Variants in ZNF195 observed in about 807,000 individuals in gnomAD.
ZNF195 encodes zinc finger protein 195.
ZNF195 carries 11 observed loss-of-function variants against 19.5 expected under a neutral mutation model. The ratio of observed to expected loss-of-function variants is 0.57; its 90% CI spans 0.36 to 0.94. The LOEUF (loss-of-function observed/expected upper bound fraction) is 0.94. Among genes scored for constraint, ZNF195 ranks in the 40% least tolerant of loss-of-function variants. ZNF195 has a pLI of 0.01. For missense variants in ZNF195, 582 were observed against 709.0 expected (o/e 0.82, Z 2.03); for synonymous variants, 214 against 248.1 (o/e 0.86, Z 1.29).
Position 3,359,590 on chromosome 11 carries a change from T to C in ZNF195, c.1418A>G (p.Lys473Arg). The C allele has an allele frequency of 6.2e-7, 1 of 1,613,846 alleles. No individual in the cohort carries two copies. Among genetic ancestry groups the C allele is most frequent in the African/African-American group, 1.3e-5 (1 of 74,928 alleles). Residue 473 changes from lysine to arginine, a missense_variant, in exon 6 of 6, where the codon AAG becomes AGG. Coordinates refer to ENST00000399602, the MANE Select transcript of ZNF195 (RefSeq NM_001130520.3). This position sits in a 1 kb window ranked among gnomAD's most constrained non-coding sequence, Gnocchi z 5.5. Reference protein sequence around the residue: ...EKPYQCEECGKVFRTCSSLSN... With the variant: ...EKPYQCEECGRVFRTCSSLSN... ...AAGGCTTGAGCAAGTTCTGAAGACC[T>C]TCCCACATTCTTCACATTGGTAGGG...
Position 3,359,093 on chromosome 11 carries a change from A to G in ZNF195, c.*25T>C. The G allele has an allele frequency of 1.3e-6, 2 of 1,520,580 alleles. No individual in the cohort carries two copies. The highest frequency in any genetic ancestry group is 1.4e-5 in the South Asian group (1 of 73,074). 94.2% of individuals were successfully genotyped at this position (1,520,580 alleles called of 1,614,324 possible). On this transcript the variant is annotated 3_prime_UTR_variant, in exon 6 of 6. Coordinates refer to ENST00000399602, the MANE Select transcript of ZNF195 (RefSeq NM_001130520.3). This position sits in a 1 kb window ranked among gnomAD's most constrained non-coding sequence, Gnocchi z 5.5. ...CGAGCAGATACTAACGGCTTTGCCT[A>G]TTTTTATATTTGTTTATTTTTTTCT... is the stretch of plus-strand genomic sequence containing the variant.
At chr11:3,366,871 C>T (rs1306092652) in intron 3 of ZNF195, 2 of 447,280 alleles carry the variant, frequency 4.5e-6, no homozygotes, top group African/African-American at 2.0e-5. Flanking sequence ...CCGAGACCAG[C>T]CTGGGCAACA....
rs1286054978 is a variant in ZNF195, at chr11:3,360,702, A to G, written c.442+18T>C. 1.3e-6 allele frequency: 2 copies of G among 1,551,064 alleles called. No individual in the cohort carries two copies. The highest frequency in any genetic ancestry group is 1.4e-5 in the African/African-American group (1 of 73,042). On this transcript the variant is annotated intron_variant, in intron 5 of 5. Transcript: ENST00000399602. ...CACAGGCCCTAATTTCTGTATAAACATATAAATGTAACAATACCTAGTGAG... is the reference window on the plus strand; with the variant it reads ...CACAGGCCCTAATTTCTGTATAAACGTATAAATGTAACAATACCTAGTGAG...
chr11:3,363,142 T>C (rs1305630343), intron 3 of ZNF195, among the ~76,000 whole-genome samples: 7 of 152,236 alleles, frequency 4.6e-5, no homozygotes, highest in Non-Finnish European at 7.3e-5. Flanking sequence ...TATTTTTTGC[T>C]TCAATTTTGC....
intron 1 of ZNF195, chr11:3,373,491 G>T: frequency 9.7e-7 from 1 of 1,031,094 alleles, no homozygotes; most frequent in Non-Finnish European, 1.5e-6. Flanking sequence ...AACACCACAA[G>T]TAGAGAAGTA....
rs778995294 is a variant in ZNF195 at position 3,371,025 on chromosome 11, C to T, written c.176G>A (p.Arg59Gln). 5.0e-5 allele frequency: 80 copies of T among 1,613,990 alleles called. No individual in the cohort carries two copies. Among genetic ancestry groups the T allele is most frequent in the South Asian group, 2.6e-4 (24 of 91,090 alleles). ...TCTCTTCACATTCCAGGGCTCTTTT[C>T]GTTGCTCCAGGCAGGTGATCAGGCC... ...KPGLITCLEQRKEPWNVKRQE... is the reference protein window; with the variant it reads ...KPGLITCLEQQKEPWNVKRQE... The change falls in exon 3 of 6, where the codon CGA (arginine) becomes CAA (glutamine). Residue 59 changes from arginine (R) to glutamine (Q), a missense_variant. By Grantham distance (43) the Arg-to-Gln change is conservative (BLOSUM62 1). Coordinates refer to ENST00000399602, the MANE Select transcript of ZNF195 (RefSeq NM_001130520.3).
intron 3 of ZNF195, among the ~76,000 whole-genome samples, chr11:3,364,815 C>A (rs1339374236): frequency 6.6e-6 from 1 of 152,180 alleles, no homozygotes; most frequent in South Asian, 2.1e-4. Context: ...ATAGTAACTT[C>A]ATTTCCTTCA....
chr11:3,373,729 G>C, intron 1 of ZNF195: 1 of 1,124,402 alleles, frequency 8.9e-7, no homozygotes, highest in Non-Finnish European at 1.3e-6. Context: ...ACCATCAACA[G>C]AAAGACCAAG....
chr11:3,377,727 G>A, intron 1 of ZNF195: 1 of 1,090,718 alleles, frequency 9.2e-7, no homozygotes, highest in Non-Finnish European at 1.1e-6. Flanking sequence ...AATAACCCAG[G>A]GCCTGAAATT....
rs1187765176 is a variant in ZNF195 at position 3,360,767 on chromosome 11, A to ATT, written c.394_395insAA (p.Leu132GlnfsTer5). 1.9e-6 allele frequency: 3 copies of ATT among 1,551,628 alleles called. No homozygotes were observed. The highest frequency in any genetic ancestry group is 4.9e-5 in the East Asian group (2 of 40,912). ...CTCTAAAAACCATTTCACAGTTTGC[A>ATT]GCACCCCAGGTGAGCACAGTGCTAG... On this transcript the variant is annotated frameshift_variant, in exon 5 of 6. Coordinates refer to ENST00000399602, the MANE Select transcript of ZNF195 (RefSeq NM_001130520.3). LOFTEE classifies it low-confidence loss of function (END_TRUNC).
chr11:3,359,667 A>T lies in ZNF195; in HGVS notation c.1341T>A (p.Tyr447Ter). 6.2e-7 allele frequency: 1 copy of T among 1,614,146 alleles called. No homozygotes were observed. Among genetic ancestry groups the T allele is most frequent in the Non-Finnish European group, 8.5e-7 (1 of 1,180,024 alleles). Reference protein sequence around the residue: ...PYKCDECGKAYTQSSHLSEHR... With the variant: ...PYKCDECGKA ...GTTCACTGAGGTGTGAGGACTGTGT[A>T]TAGGCTTTCCCACATTCGTCACATT... is the stretch of plus-strand genomic sequence containing the variant. The change falls in exon 6 of 6, where the codon TAT (tyrosine) becomes TAA (stop). Residue 447 changes from tyrosine (Y) to a stop codon, truncating the protein, a stop_gained. Transcript: ENST00000399602. LOFTEE classifies it low-confidence loss of function (END_TRUNC). This position sits in a 1 kb window ranked among gnomAD's most constrained non-coding sequence, Gnocchi z 5.5.
chr11:3,372,344 GA>G (rs1030566047), intron 1 of ZNF195, among the ~76,000 whole-genome samples: 6 of 152,066 alleles, frequency 3.9e-5, no homozygotes, highest in African/African-American at 1.4e-4. Flanking sequence ...ACTTAAAAGA[GA>G]AAAAAATAAA....
chr11:3,371,702 G>A lies in ZNF195; in HGVS notation c.5C>T (p.Thr2Ile), dbSNP rs1849220584. 1 of 1,592,946 alleles carries A rather than the reference G, an allele frequency of 6.3e-7. No individual in the cohort carries two copies. The highest frequency in any genetic ancestry group is 2.3e-5 in the East Asian group (1 of 44,436). M[T>I]LLTFRDVAIE... is the part of the protein sequence containing the mutation. ...GGCCACATCCCTGAACGTCAACAGA[G>A]TCTGAAGAAGAAACAACAACAATAA... is the stretch of plus-strand genomic sequence containing the variant. Residue 2 changes from threonine (T) to isoleucine (I), a missense_variant and splice_region_variant, in exon 2 of 6, where the codon ACT (threonine) becomes ATT (isoleucine). Thr to Ile is a moderately conservative substitution (Grantham distance 89, BLOSUM62 -1). Coordinates refer to ENST00000399602, the MANE Select transcript of ZNF195 (RefSeq NM_001130520.3).
At chr11:3,362,619 A>G in intron 3 of ZNF195, 1 of 561,502 alleles carries the variant, frequency 1.8e-6, no homozygotes, top group Non-Finnish European at 3.2e-6. Flanking sequence ...GACACACAAA[A>G]GAAAATTTAA....
At chr11:3,368,602 C>T (rs1418351565) in intron 3 of ZNF195, among the ~76,000 whole-genome samples, 1 of 152,198 alleles carries the variant, frequency 6.6e-6, no homozygotes, top group East Asian at 1.9e-4. Flanking sequence ...TTACAATAGA[C>T]TTGGCATAGC....
intron 3 of ZNF195, among the ~76,000 whole-genome samples, chr11:3,369,669 G>A (rs1346637006): frequency 6.6e-6 from 1 of 152,186 alleles, no homozygotes; most frequent in Non-Finnish European, 1.5e-5. Flanking sequence ...CCCCTCAGAC[G>A]TGGAATCTGT....
At chr11:3,375,198 C>T (rs946260990) in intron 1 of ZNF195, among the ~76,000 whole-genome samples, 1 of 152,152 alleles carries the variant, frequency 6.6e-6, no homozygotes, top group African/African-American at 2.4e-5. Context: ...AGGGAGAGGG[C>T]CCTACGCAGG....
intron 2 of ZNF195, 36 bp downstream of exon 2, chr11:3,371,541 G>A: frequency 6.2e-7 from 1 of 1,613,624 alleles, no homozygotes; most frequent in Admixed American, 1.7e-5. Flanking sequence ...AACTCTTTAG[G>A]GCATAGGAGG....
intron 3 of ZNF195, among the ~76,000 whole-genome samples, chr11:3,370,163 GATATATTATATATACACAC>G (rs1267246447): frequency 7.2e-5 from 11 of 151,936 alleles, no homozygotes; most frequent in African/African-American, 2.7e-4. Flanking sequence ...AGGATATGTT[GATATATTATATATACACAC>G]ATATATGATA....
Sources: allele counts gnomAD v4.1 joint callset (sites outside exome capture counted in the v4.1 genomes callset), GRCh38; gene constraint gnomAD v4.1.1; non-coding constraint Gnocchi (gnomAD v3.1); transcripts MANE v1.5; gene names NCBI Gene and HGNC (gene_info 2026-07-23, HGNC 2026-07-21).